The following VPS37A variants were observed in gnomAD, a reference collection of about 807,000 sequenced individuals.
VPS37A encodes VPS37A subunit of ESCRT-I, also known as vacuolar protein sorting-associated protein 37A.
In VPS37A, 30 loss-of-function variants were observed where a neutral mutation model predicts 49.8. The observed-to-expected ratio is 0.60, with a 90% CI of 0.45 to 0.82. The LOEUF (loss-of-function observed/expected upper bound fraction) is 0.82. Among genes scored for constraint, VPS37A ranks in the 40% least tolerant of loss-of-function variants. VPS37A has a pLI of 0.00. For missense variants in VPS37A, 593 were observed against 464.4 expected (o/e 1.28, Z -2.55); for synonymous variants, 195 against 160.6 (o/e 1.21, Z -1.62).
intron 1 of VPS37A, among the ~76,000 whole-genome samples, chr8:17,259,845 G>C (rs891510625): frequency 1.3e-5 from 2 of 151,982 alleles, no homozygotes; most frequent in Non-Finnish European, 2.9e-5. Flanking sequence ...TCTTTTTATA[G>C]TCTTTGATTT....
At chr8:17,277,077 C>T (rs1002005969) in intron 6 of VPS37A, among the ~76,000 whole-genome samples, 1 of 152,086 alleles carries the variant, frequency 6.6e-6, no homozygotes, top group Non-Finnish European at 1.5e-5. Context: ...ACTAATAAGA[C>T]TACTGAATGC....
the VPS37A span, among the ~76,000 whole-genome samples, chr8:17,327,984 TG>T: frequency 3.3e-5 from 5 of 152,204 alleles, no homozygotes; most frequent in African/African-American, 1.2e-4. Flanking sequence ...TTATGAAGTG[TG>T]GCAAAGAGCA....
chr8:17,247,002 C>T lies in VPS37A; in HGVS notation c.-243C>T, dbSNP rs927453538. ...TGGCTGGCCGGTTTGGGCGTCTGGG[C>T]CGTGAAGGTGGGACCTCCTGTTCCG... On this transcript the variant is annotated 5_prime_UTR_variant, in exon 1 of 12. Coordinates refer to ENST00000324849, the MANE Select transcript of VPS37A (RefSeq NM_152415.3). 1.1e-5 allele frequency: 6 copies of T among 543,636 alleles called. No homozygotes were observed. Among genetic ancestry groups the T allele is most frequent in the African/African-American group, 2.0e-5 (1 of 51,238 alleles). The allele number at this position is 543,636 out of a possible 1,614,324, so 33.7% of individuals were successfully genotyped here. A position where few individuals can be genotyped will look rare whatever the true frequency, so the allele number is the denominator to read the frequency against.
intron 5 of VPS37A, among the ~76,000 whole-genome samples, chr8:17,276,008 C>T (rs1814478021): frequency 6.6e-6 from 1 of 152,170 alleles, no homozygotes; most frequent in South Asian, 2.1e-4. Context: ...CCTACCGTCT[C>T]ATGTGACTGA....
chr8:17,307,880 A>C, the VPS37A span, among the ~76,000 whole-genome samples: 1 of 131,898 alleles, frequency 7.6e-6, no homozygotes, highest in Non-Finnish European at 1.6e-5. Flanking sequence ...CACACCGGGG[A>C]CTGTTGTGGG....
At chr8:17,267,973 AT>A (rs1484497127) in intron 2 of VPS37A, among the ~76,000 whole-genome samples, 2 of 152,248 alleles carry the variant, frequency 1.3e-5, no homozygotes, top group Non-Finnish European at 2.9e-5. Context: ...AGCTTGGTAT[AT>A]TGTGTTTGAA....
chr8:17,261,048 G>A (rs1420044543), intron 1 of VPS37A, among the ~76,000 whole-genome samples: 1 of 152,114 alleles, frequency 6.6e-6, no homozygotes, highest in Non-Finnish European at 1.5e-5. Context: ...CTATTTCTTG[G>A]AATAAGCTTT....
chr8:17,277,226 C>G (rs970182820), intron 6 of VPS37A, among the ~76,000 whole-genome samples: 2 of 151,876 alleles, frequency 1.3e-5, no homozygotes, highest in African/African-American at 4.8e-5. Flanking sequence ...GTTTTATAGT[C>G]ATTTTAAGGA....
At chr8:17,249,651 T>C (rs1266251095) in intron 1 of VPS37A, among the ~76,000 whole-genome samples, 2 of 152,208 alleles carry the variant, frequency 1.3e-5, no homozygotes, top group Admixed American at 6.5e-5. Flanking sequence ...GACATATATT[T>C]GTAAGCTGGG....
intron 1 of VPS37A, chr8:17,248,502 C>G (rs1811650596): frequency 2.6e-6 from 1 of 387,372 alleles, no homozygotes; most frequent in Non-Finnish European, 5.2e-6. Flanking sequence ...TCTCGAACTC[C>G]TGACCTTAGA....
At chr8:17,311,400 A>G in the VPS37A span, 4 of 1,440,808 alleles carry the variant, frequency 2.8e-6, no homozygotes, top group African/African-American at 2.8e-5. Context: ...CTGAGCTACT[A>G]AAAGAAAAAT....
chr8:17,266,092 A>G (rs1813421028), intron 2 of VPS37A, 111 bp downstream of exon 2: 2 of 893,536 alleles, frequency 2.2e-6, no homozygotes, highest in African/African-American at 3.4e-5. Context: ...AAGTAACTAT[A>G]ATTTATAAAA....
intron 1 of VPS37A, among the ~76,000 whole-genome samples, chr8:17,263,803 T>G (rs1048542784): frequency 2.0e-5 from 3 of 152,030 alleles, no homozygotes; most frequent in Non-Finnish European, 4.4e-5. Context: ...TAACCGGGTG[T>G]GGTGGCACAC....
intron 4 of VPS37A, among the ~76,000 whole-genome samples, chr8:17,271,000 A>G (rs1474729354): frequency 1.3e-5 from 2 of 152,176 alleles, no homozygotes; most frequent in East Asian, 1.9e-4. Context: ...GGTAACCACT[A>G]TAGATTCCAA....
At chr8:17,307,405 T>C (rs570083130), downstream of VPS37A, among the ~76,000 whole-genome samples, 42 of 152,238 alleles carry the variant, frequency 2.8e-4, no homozygotes, top group African/African-American at 9.4e-4. Flanking sequence ...GGAGAGGATG[T>C]GAAGAAATAG....
downstream of VPS37A, among the ~76,000 whole-genome samples, chr8:17,306,949 T>A (rs1004420514): frequency 6.6e-6 from 1 of 152,118 alleles, no homozygotes; most frequent in East Asian, 1.9e-4. Context: ...GAAGAAAACC[T>A]AGGCAATACC....
At chr8:17,288,108 A>G (rs1312887857) in intron 11 of VPS37A, among the ~76,000 whole-genome samples, 1 of 152,224 alleles carries the variant, frequency 6.6e-6, no homozygotes, top group South Asian at 2.1e-4. Context: ...CCAACTTTGC[A>G]TATCTGCCAG....
At chr8:17,276,316 A>G (rs2150394330) in intron 5 of VPS37A, 81 bp from the exon 6 acceptor site, 1 of 1,107,500 alleles carries the variant, frequency 9.0e-7, no homozygotes, top group Non-Finnish European at 1.3e-6. Context: ...GATATAGTAC[A>G]TTAAAGATTA....
At chr8:17,250,382 G>C (rs1232914772) in intron 1 of VPS37A, among the ~76,000 whole-genome samples, 2 of 152,178 alleles carry the variant, frequency 1.3e-5, no homozygotes, top group African/African-American at 2.4e-5. Context: ...AGACAGATTG[G>C]TTATTCTAAA....
Sources: gnomAD v4.1 joint callset for allele counts (sites outside exome capture counted in the v4.1 genomes callset) on GRCh38, gnomAD v4.1.1 for gene constraint, MANE v1.5 for transcripts, NCBI Gene and HGNC (gene_info 2026-07-23, HGNC 2026-07-21) for gene names.